The following P2RX3 variants were observed in gnomAD, a reference collection of about 807,000 sequenced individuals.
P2RX3 encodes P2X purinoceptor 3.
Under a neutral mutation model 51.5 loss-of-function variants are expected in P2RX3, and 41 were observed. The observed-to-expected ratio is 0.80, with a 90% confidence interval of 0.62 to 1.03. P2RX3 has a LOEUF of 1.03. Among genes scored for constraint, P2RX3 ranks in the 50% least tolerant of loss-of-function variants. P2RX3 has a pLI of 0.00. For missense variants in P2RX3, 459 were observed against 522.1 expected (o/e 0.88, Z 1.18); for synonymous variants, 185 against 191.6 (o/e 0.97, Z 0.29).
rs1257889329 is a variant in P2RX3, at chr11:57,352,263, AT to A, written c.842+1366del. On this transcript the variant is annotated intron_variant, in intron 8 of 11. Transcript: ENST00000263314. Reference sequence around the variant, plus strand: ...ATTTAATAGTTTAAAATATACATGTATATTCTCTGGAAAGAAGAATCTTTAA... The same window carrying A: ...ATTTAATAGTTTAAAATATACATGTAATTCTCTGGAAAGAAGAATCTTTAA... Among the ~76,000 whole-genome samples, 9 of 152,328 alleles carry A rather than the reference AT, an allele frequency of 5.9e-5. No individual in the cohort carries two copies. The East Asian group carries it at 1.7e-3, about 29-fold the overall frequency.
Position 57,368,074 on chromosome 11 carries a change from T to C in P2RX3, c.908T>C (p.Ile303Thr), listed in dbSNP as rs758964156. The stretch of plus-strand genomic sequence containing the variant: ...CGCACCCTCCTGAAGGCTTTTGGCA[T>C]CCGCTTCGACGTGCTGGTATACGGG... Reference protein sequence around the residue: ...EYRTLLKAFGIRFDVLVYGNA... With the variant: ...EYRTLLKAFGTRFDVLVYGNA... The change falls in exon 9 of 12, where the codon ATC (isoleucine) becomes ACC (threonine). Residue 303 changes from isoleucine (I) to threonine (T), a missense_variant. Coordinates refer to ENST00000263314, the MANE Select transcript of P2RX3 (RefSeq NM_002559.5). 18 of 1,614,154 alleles carry C rather than the reference T, an allele frequency of 1.1e-5. No individual in the cohort carries two copies. The highest frequency in any genetic ancestry group is 1.5e-5 in the Non-Finnish European group (18 of 1,180,024).
intron 1 of P2RX3, among the ~76,000 whole-genome samples, chr11:57,343,454 T>C (rs1590622658): frequency 6.6e-6 from 1 of 152,196 alleles, no homozygotes; most frequent in Non-Finnish European, 1.5e-5. Context: ...GTGAAGAGGC[T>C]GTGAGTGGTC....
chr11:57,353,359 A>G (rs905104179), intron 8 of P2RX3, among the ~76,000 whole-genome samples: 3 of 152,098 alleles, frequency 2.0e-5, no homozygotes, highest in African/African-American at 7.2e-5. Flanking sequence ...ATCCCCCCCA[A>G]CTTTATAAAG....
intron 8 of P2RX3, among the ~76,000 whole-genome samples, chr11:57,367,281 G>A (rs1052678275): frequency 1.3e-5 from 2 of 152,194 alleles, no homozygotes; most frequent in African/African-American, 4.8e-5. Flanking sequence ...TGCACAGTCA[G>A]TAAGCGGCAG....
At chr11:57,369,282 G>A (rs925311000) in intron 10 of P2RX3, 79 bp from the exon 11 acceptor site, 25 of 1,262,270 alleles carry the variant, frequency 2.0e-5, no homozygotes, top group African/African-American at 9.1e-5. Context: ...GGTGCTGCCC[G>A]AGCCCAGCAC....
At chr11:57,357,370 T>C (rs920317847) in intron 8 of P2RX3, among the ~76,000 whole-genome samples, 57 of 152,270 alleles carry the variant, frequency 3.7e-4, no homozygotes, top group African/African-American at 1.3e-3. Flanking sequence ...ACTGGATACC[T>C]GAGCTCAGGG....
intron 1 of P2RX3, among the ~76,000 whole-genome samples, chr11:57,339,448 C>T (rs1419205301): frequency 6.6e-6 from 1 of 152,132 alleles, no homozygotes; most frequent in Admixed American, 6.5e-5. Context: ...TGTAACCCAT[C>T]CTAGGAGTTG....
At chr11:57,347,017 T>G (rs1856448714) in intron 2 of P2RX3, 99 bp from the exon 3 acceptor site, 13 of 1,296,690 alleles carry the variant, frequency 1.0e-5, no homozygotes, top group Non-Finnish European at 1.4e-5. Flanking sequence ...GACACAAGCC[T>G]TGCTTTCCTC....
In P2RX3 at chr11:57,357,667, G is replaced by GT. The variant is rs969843274; in HGVS notation, c.842+6777dup. Among the ~76,000 whole-genome samples the GT allele has an allele frequency of 1.6e-4, 25 of 151,660 alleles. 1 individual carries two copies. The highest frequency in any genetic ancestry group is 4.6e-4 in the African/African-American group (19 of 41,286). On this transcript the variant is annotated intron_variant, in intron 8 of 11. Transcript: ENST00000263314. ...GCATTTTTAAAGATCAACAAGAAGC[G>GT]TTTTTTTTAATGCCTGCCTTTGAGG...
At chr11:57,356,507 G>T (rs552634312) in intron 8 of P2RX3, among the ~76,000 whole-genome samples, 1 of 152,182 alleles carries the variant, frequency 6.6e-6, no homozygotes, top group Non-Finnish European at 1.5e-5. Context: ...TTCCTGGTGC[G>T]GTAGGTGTTT....
chr11:57,346,709 G>A (rs200271971), intron 2 of P2RX3, 30 bp downstream of exon 2: 20 of 1,610,630 alleles, frequency 1.2e-5, no homozygotes, highest in Non-Finnish European at 1.6e-5. Context: ...AGAGGCATGT[G>A]GATGTCCAGA....
Position 57,346,568 on chromosome 11 carries a change from T to C in P2RX3, c.144T>C (p.Ala48=). 6.2e-7 allele frequency: 1 copy of C among 1,614,102 alleles called. No individual in the cohort carries two copies. The highest frequency in any genetic ancestry group is 1.1e-5 in the South Asian group (1 of 91,072). ...GGTGGGTTTTCTTGCACGAGAAGGC[T>C]TACCAGGTACGGGACACAGCCATTG... ...FVGWVFLHEK[A]YQVRDTAIES... The change falls in exon 2 of 12, where the codon GCT becomes GCC. Residue 48 remains alanine (A), a synonymous_variant. Coordinates refer to ENST00000263314, the MANE Select transcript of P2RX3 (RefSeq NM_002559.5).
chr11:57,346,580 G>A lies in P2RX3; in HGVS notation c.156G>A (p.Arg52=). ...TGCACGAGAAGGCTTACCAGGTACG[G>A]GACACAGCCATTGAGTCCTCGGTGG... ...VFLHEKAYQV[R]DTAIESSVVT... is the part of the protein sequence containing the mutation. The change falls in exon 2 of 12, where the codon CGG becomes CGA. Residue 52 remains arginine, a synonymous_variant. Transcript: ENST00000263314. 4.3e-6 allele frequency: 7 copies of A among 1,614,104 alleles called. No homozygotes were observed. The highest frequency in any genetic ancestry group is 5.9e-6 in the Non-Finnish European group (7 of 1,180,018).
At chr11:57,360,811 A>AG (rs1554967553) in intron 8 of P2RX3, among the ~76,000 whole-genome samples, 3 of 150,688 alleles carry the variant, frequency 2.0e-5, no homozygotes, top group African/African-American at 4.8e-5. Context: ...AAAAAAGAAA[A>AG]AAAGAAAGAA....
At chr11:57,361,753 C>G (rs1354187188) in intron 8 of P2RX3, among the ~76,000 whole-genome samples, 1 of 152,194 alleles carries the variant, frequency 6.6e-6, no homozygotes, top group Non-Finnish European at 1.5e-5. Context: ...AATAAACATG[C>G]ATGCATGTAT....
chr11:57,347,504 A>G, intron 4 of P2RX3, 26 bp downstream of exon 4: 1 of 1,551,400 alleles, frequency 6.4e-7, no homozygotes, highest in Non-Finnish European at 8.7e-7. Context: ...TACCCACCCC[A>G]CAATCCCAAG....
At chr11:57,338,817 T>C (rs1213615013) in intron 1 of P2RX3, 148 bp downstream of exon 1, 2 of 585,014 alleles carry the variant, frequency 3.4e-6, no homozygotes, top group East Asian at 5.2e-5. Flanking sequence ...TCTTAAAGAC[T>C]GGCCTCTGCC....
chr11:57,337,350 G>GAAAAAA (rs11339711), upstream of P2RX3, among the ~76,000 whole-genome samples: 3 of 73,486 alleles, frequency 4.1e-5, no homozygotes, highest in African/African-American at 5.9e-5. Flanking sequence ...AGGAAAGAAA[G>GAAAAAA]AAAAAAAAAA....
intron 8 of P2RX3, among the ~76,000 whole-genome samples, chr11:57,351,733 A>G (rs2134424703): frequency 6.6e-6 from 1 of 152,290 alleles, no homozygotes; most frequent in Non-Finnish European, 1.5e-5. Context: ...TGATTCATCC[A>G]TTAAACACAT....
Sources: allele counts gnomAD v4.1 joint callset (sites outside exome capture counted in the v4.1 genomes callset), GRCh38; gene constraint gnomAD v4.1.1; transcripts MANE v1.5; gene names NCBI Gene and HGNC (gene_info 2026-07-23, HGNC 2026-07-21).